The following ACSM1 variants were observed in gnomAD, a reference collection of about 807,000 sequenced individuals.
ACSM1 encodes acyl-CoA synthetase medium chain family member 1.
ACSM1 carries 79 observed loss-of-function variants against 75.8 expected under a neutral mutation model. The observed-to-expected ratio is 1.04, with a 90% CI of 0.87 to 1.26. The LOEUF (loss-of-function observed/expected upper bound fraction) is 1.26. Among genes scored for constraint, ACSM1 ranks in the 50% most tolerant of loss-of-function variants. The probability of loss-of-function intolerance (pLI) is 0.00; values close to 1 mark genes in which losing one functional copy is unlikely to be tolerated. For synonymous variants in ACSM1, 279 were observed against 265.8 expected, an observed-to-expected ratio of 1.05 and a Z score of -0.48; for missense variants, 676 against 720.1, an observed-to-expected ratio of 0.94 and a Z score of 0.70.
In ACSM1 at chr16:20,623,724, C is replaced by A. The variant is rs915506040; in HGVS notation, c.1648-152G>T. ...GAGTCCCCAAGTATTTCAGGTTCTC[C>A]CCCTGGCCCCTAGAAGGTGGATGTA... On this transcript the variant is annotated intron_variant, in intron 13 of 13. Transcript: ENST00000520010. 4.8e-6 allele frequency: 4 copies of A among 828,490 alleles called. No individual in the cohort carries two copies. The South Asian group carries it at 5.2e-5, about 11-fold the overall frequency. The allele number at this position is 828,490 out of a possible 1,614,324, so 51.3% of individuals were successfully genotyped here. A position where few individuals can be genotyped will look rare whatever the true frequency, so the allele number is the denominator to read the frequency against.
chr16:20,624,223 A>G lies in ACSM1; in HGVS notation c.1528-8T>C. 6.2e-7 allele frequency: 1 copy of G among 1,604,234 alleles called. No individual in the cohort carries two copies. The highest frequency in any genetic ancestry group is 8.5e-7 in the Non-Finnish European group (1 of 1,174,164). ...AATAAAGGCCTTCACCACCTGCAGA[A>G]TGAAGTCATGGGCTCACAGTGAGTG... On this transcript the variant is annotated splice_region_variant and splice_polypyrimidine_tract_variant and intron_variant, in intron 12 of 13. Coordinates refer to ENST00000520010, the MANE Select transcript of ACSM1 (RefSeq NM_001318890.3).
chr16:20,685,842 A>C lies in ACSM1; in HGVS notation c.193-439T>G, dbSNP rs538118402. ...CTCAAAAAAAAAAAACAAACAAAAAAAAAACAAAAAACTTATAGCATCAGG... is the reference window on the plus strand; with the variant it reads ...CTCAAAAAAAAAAAACAAACAAAAACAAAACAAAAAACTTATAGCATCAGG... On this transcript the variant is annotated intron_variant, in intron 2 of 13. Coordinates refer to ENST00000520010, the MANE Select transcript of ACSM1 (RefSeq NM_001318890.3). 2.3e-4 allele frequency among the ~76,000 whole-genome samples: 29 copies of C among 123,742 alleles called. 2 individuals are homozygous for C. The East Asian group carries it at 6.5e-3, about 28-fold the overall frequency. 81.2% of individuals were successfully genotyped at this position (123,742 alleles called of 152,430 possible).
chr16:20,696,742 C>G (rs2079691904), intron 1 of ACSM1, among the ~76,000 whole-genome samples: 1 of 152,222 alleles, frequency 6.6e-6, no homozygotes, highest in Non-Finnish European at 1.5e-5. Context: ...TTCCCAGATA[C>G]ATAGTGCCTT....
At chr16:20,636,628 T>A in intron 10 of ACSM1, 111 bp downstream of exon 10, 1 of 753,376 alleles carries the variant, frequency 1.3e-6, no homozygotes, top group African/African-American at 1.8e-5. Flanking sequence ...TGAAAACTCA[T>A]TCATTTCATT....
chr16:20,626,279 A>G (rs1242640546), intron 11 of ACSM1, among the ~76,000 whole-genome samples: 1 of 152,120 alleles, frequency 6.6e-6, no homozygotes, highest in African/African-American at 2.4e-5. Context: ...CAGAGCTTGC[A>G]GTGAACCAAG....
chr16:20,679,374 A>C (rs1382747059), intron 4 of ACSM1: 1 of 152,210 alleles, frequency 6.6e-6, no homozygotes, highest in East Asian at 1.9e-4. Context: ...AAGATCTTGC[A>C]AGCTCTGCTC....
At chr16:20,631,127 T>C (rs1231313449) in intron 10 of ACSM1, among the ~76,000 whole-genome samples, 2 of 152,328 alleles carry the variant, frequency 1.3e-5, no homozygotes, top group African/African-American at 2.4e-5. Context: ...ATATTATCTC[T>C]TAGAGCTCTG....
chr16:20,648,627 C>A lies in ACSM1; in HGVS notation c.993-8043G>T, dbSNP rs1436184853. On this transcript the variant is annotated intron_variant, in intron 7 of 13. Transcript: ENST00000520010. The surrounding 1 kb of genome is among the most constrained non-coding windows in gnomAD (Gnocchi z 4.2). ...TAATTTATTATCTCTGAAGCCTGCA[C>A]CTGGAAGCTTCATCTGCATAATAAA... is the stretch of plus-strand genomic sequence containing the variant. Among the ~76,000 whole-genome samples, 1 of 152,126 alleles carries A rather than the reference C, an allele frequency of 6.6e-6. No individual in the cohort carries two copies. Among genetic ancestry groups the A allele is most frequent in the East Asian group, 1.9e-4 (1 of 5,194 alleles).
chr16:20,654,538 TCAAA>T (rs1567274954), intron 7 of ACSM1, among the ~76,000 whole-genome samples: 1 of 151,880 alleles, frequency 6.6e-6, no homozygotes, highest in African/African-American at 2.4e-5. Flanking sequence ...TACAAACAAC[TCAAA>T]CAAATTTACA....
In ACSM1 at chr16:20,691,148, T is replaced by A. The variant is rs569469477; in HGVS notation, c.41A>T (p.His14Leu). ...LMRFRTLWGI[H>L]KSFHNIHPAP... ...AGGGTGGATGTTGTGGAAGGATTTG[T>A]GGATGCCCCAGAGGGTCCGGAACCT... Residue 14 changes from histidine (H) to leucine (L), a missense_variant, in exon 2 of 14, where the codon CAC (histidine) becomes CTC (leucine). Coordinates refer to ENST00000520010, the MANE Select transcript of ACSM1 (RefSeq NM_001318890.3). 5 of 1,612,272 alleles carry A rather than the reference T, an allele frequency of 3.1e-6. No individual in the cohort carries two copies. The highest frequency in any genetic ancestry group is 4.2e-6 in the Non-Finnish European group (5 of 1,179,308).
chr16:20,672,669 G>T (rs1596910878), intron 4 of ACSM1, among the ~76,000 whole-genome samples: 1 of 124,660 alleles, frequency 8.0e-6, no homozygotes, highest in Non-Finnish European at 1.6e-5. Flanking sequence ...ATATCATATA[G>T]TATATATTGT....
intron 1 of ACSM1, among the ~76,000 whole-genome samples, chr16:20,691,537 T>C (rs1271661849): frequency 6.6e-6 from 1 of 152,140 alleles, no homozygotes; most frequent in South Asian, 2.1e-4. Flanking sequence ...ATCCCTTTTG[T>C]GGTAGAGCAA....
intron 7 of ACSM1, among the ~76,000 whole-genome samples, chr16:20,646,941 CT>C (rs2152229738): frequency 6.6e-6 from 1 of 152,336 alleles, no homozygotes; most frequent in African/African-American, 2.4e-5. Flanking sequence ...TTGCTTGTGT[CT>C]CTCCAGGTGA....
At chr16:20,637,554 C>T in intron 8 of ACSM1, 103 bp from the exon 9 acceptor site, 2 of 1,026,882 alleles carry the variant, frequency 1.9e-6, no homozygotes, top group South Asian at 1.3e-5. Context: ...ATGTAGTATT[C>T]CTCTCAATGG....
At chr16:20,660,843 CA>C (rs1482071942) in intron 7 of ACSM1, among the ~76,000 whole-genome samples, 5 of 152,138 alleles carry the variant, frequency 3.3e-5, no homozygotes, top group Admixed American at 3.3e-4. Context: ...AATTAATTCT[CA>C]AACATAGGAA....
intron 5 of ACSM1, 69 bp from the exon 6 acceptor site, chr16:20,670,055 G>C: frequency 6.6e-7 from 1 of 1,520,770 alleles, no homozygotes; most frequent in South Asian, 1.2e-5. Context: ...GTGCACTCTG[G>C]TTTTTAGCTA....
chr16:20,674,963 G>A (rs1343809558), intron 4 of ACSM1: 4 of 152,224 alleles, frequency 2.6e-5, no homozygotes, highest in African/African-American at 9.7e-5. Context: ...GATGAACCTC[G>A]TGTCCCCCTA....
At chr16:20,686,458 G>A (rs1175853679) in intron 2 of ACSM1, among the ~76,000 whole-genome samples, 2 of 152,030 alleles carry the variant, frequency 1.3e-5, no homozygotes, top group Non-Finnish European at 2.9e-5. Flanking sequence ...AACACACACT[G>A]GGGCCAGTCT....
rs749476530 is a variant in ACSM1 at position 20,682,464 on chromosome 16, C to G, written c.404-1G>C. 21 of 1,612,416 alleles carry G rather than the reference C, an allele frequency of 1.3e-5. No individual in the cohort carries two copies. Among genetic ancestry groups the G allele is most frequent in the Non-Finnish European group, 1.7e-5 (20 of 1,178,956 alleles). ...ATGGTCGCAGGAATGAAGATGATCC[C>G]TGGGGATGAGAAAGGAACTGATTGT... On this transcript the variant is annotated splice_acceptor_variant, in intron 3 of 13. Coordinates refer to ENST00000520010, the MANE Select transcript of ACSM1 (RefSeq NM_001318890.3). LOFTEE classifies it high-confidence loss of function.
Sources: allele counts gnomAD v4.1 joint callset (sites outside exome capture counted in the v4.1 genomes callset), GRCh38; gene constraint gnomAD v4.1.1; non-coding constraint Gnocchi (gnomAD v3.1); transcripts MANE v1.5; gene names NCBI Gene and HGNC (gene_info 2026-07-23, HGNC 2026-07-21).